Variants in DNM2 observed in about 807,000 individuals in gnomAD.
DNM2 encodes dynamin 2, also known as dynamin-2.
A neutral mutation model predicts 99.0 loss-of-function variants in DNM2; 15 were observed. The observed-to-expected ratio is 0.15, with a 90% CI of 0.10 to 0.23. The LOEUF (loss-of-function observed/expected upper bound fraction) is 0.23, where lower values mean the gene tolerates loss of function less well. DNM2 is among the 10% of genes least tolerant of loss of function. DNM2 has a pLI of 1.00. For synonymous variants in DNM2, 525 were observed against 481.2 expected, an observed-to-expected ratio of 1.09 and a Z score of -1.19; for missense variants, 742 against 1,189.4, an observed-to-expected ratio of 0.62 and a Z score of 5.53.
At position 10,820,477 on chromosome 19, in the gene DNM2, G is replaced by A. The variant is rs1364746728; in HGVS notation, c.1781+388G>A. ...TGCCTTGTCCAAGTGGGCGATGATG[G>A]GGCCAGAACCCATAGGGAAGGAGGG... On this transcript the variant is annotated intron_variant, in intron 16 of 20. Coordinates refer to ENST00000389253, the MANE Select transcript of DNM2 (RefSeq NM_001005361.3). This position sits in a 1 kb window ranked among gnomAD's most constrained non-coding sequence, Gnocchi z 4.3. 6.6e-6 allele frequency among the ~76,000 whole-genome samples: 1 copy of A among 152,256 alleles called. No individual in the cohort carries two copies. The highest frequency in any genetic ancestry group is 2.4e-5 in the African/African-American group (1 of 41,470).
chr19:10,796,948 G>A lies in DNM2; in HGVS notation c.1197-432G>A, dbSNP rs558394269. Reference sequence around the variant, plus strand: ...GCGACCACAGTGTCCCCAGCGCTCCGGGTTGCCAGGGAATTTCTGCTTGAG... The same window carrying A: ...GCGACCACAGTGTCCCCAGCGCTCCAGGTTGCCAGGGAATTTCTGCTTGAG... On this transcript the variant is annotated intron_variant, in intron 9 of 20. Coordinates refer to ENST00000389253, the MANE Select transcript of DNM2 (RefSeq NM_001005361.3). The surrounding 1 kb of genome is among the most constrained non-coding windows in gnomAD (Gnocchi z 5.6). Among the ~76,000 whole-genome samples the A allele has an allele frequency of 3.3e-5, 5 of 152,204 alleles. No individual in the cohort carries two copies. The East Asian group carries it at 9.7e-4, about 29-fold the overall frequency.
intron 1 of DNM2, among the ~76,000 whole-genome samples, chr19:10,732,331 T>C (rs907771608): frequency 1.5e-5 from 2 of 130,066 alleles, no homozygotes; most frequent in South Asian, 5.7e-4. Flanking sequence ...GGCCGGGCGG[T>C]GGCTCATGCC....
In DNM2 at chr19:10,796,018, T is replaced by C. The variant is rs111845365; in HGVS notation, c.1196+579T>C. The stretch of plus-strand genomic sequence containing the variant: ...GAAATTGCTGACCATGCTTTGTTTC[T>C]CTCTGACTTATCTCCCCTGCCCCCG... On this transcript the variant is annotated intron_variant, in intron 9 of 20. Coordinates refer to ENST00000389253, the MANE Select transcript of DNM2 (RefSeq NM_001005361.3). This position sits in a 1 kb window ranked among gnomAD's most constrained non-coding sequence, Gnocchi z 5.6. The C allele has an allele frequency of 6.2e-7, 1 of 1,612,074 alleles. No homozygotes were observed. The highest frequency in any genetic ancestry group is 8.5e-7 in the Non-Finnish European group (1 of 1,179,986).
At chr19:10,744,337 C>G (rs974345151) in intron 1 of DNM2, among the ~76,000 whole-genome samples, 1 of 152,036 alleles carries the variant, frequency 6.6e-6, no homozygotes, top group Non-Finnish European at 1.5e-5. Context: ...CAGGATCTGC[C>G]GAGAGATACG....
chr19:10,734,672 G>A (rs2069458507), intron 1 of DNM2, among the ~76,000 whole-genome samples: 1 of 141,382 alleles, frequency 7.1e-6, no homozygotes, highest in Non-Finnish European at 1.5e-5. Context: ...GCCAAAGCCA[G>A]AATGTACAGA....
Position 10,820,141 on chromosome 19 carries a change from A to G in DNM2, c.1781+52A>G. 6.4e-7 allele frequency: 1 copy of G among 1,550,850 alleles called. No individual in the cohort carries two copies. The highest frequency in any genetic ancestry group is 1.1e-5 in the South Asian group (1 of 89,836). ...GCTCGGGGTGAAGACCAATGGCCTC[A>G]TTCACACTCCACAACCTTCACTGAG... On this transcript the variant is annotated intron_variant, in intron 16 of 20. Transcript: ENST00000389253. This position sits in a 1 kb window ranked among gnomAD's most constrained non-coding sequence, Gnocchi z 4.3.
At chr19:10,745,209 TTCG>T (rs1316730188) in intron 1 of DNM2, among the ~76,000 whole-genome samples, 3 of 152,194 alleles carry the variant, frequency 2.0e-5, no homozygotes, top group Non-Finnish European at 4.4e-5. Flanking sequence ...GCACTTGACC[TTCG>T]GCACTGCAGC....
At chr19:10,790,485 T>G (rs1263740103) in intron 7 of DNM2, among the ~76,000 whole-genome samples, 3 of 152,176 alleles carry the variant, frequency 2.0e-5, no homozygotes, top group Non-Finnish European at 4.4e-5. Context: ...TTTTTGTTTT[T>G]GTTTTGAGAT....
intron 6 of DNM2, among the ~76,000 whole-genome samples, chr19:10,783,543 G>A (rs777673654): frequency 6.6e-6 from 1 of 152,030 alleles, no homozygotes; most frequent in African/African-American, 2.4e-5. Context: ...GTGACTTGGT[G>A]CTGCTACTAT....
rs2071896749 is a variant in DNM2, at chr19:10,795,384, G to A, written c.1141G>A (p.Glu381Lys). Residue 381 changes from glutamate (E) to lysine (K), a missense_variant, in exon 9 of 21, where the codon GAG becomes AAG. By Grantham distance (56) the Glu-to-Lys change is moderately conservative (BLOSUM62 1). Coordinates refer to ENST00000389253, the MANE Select transcript of DNM2 (RefSeq NM_001005361.3). The surrounding 1 kb of genome is among the most constrained non-coding windows in gnomAD (Gnocchi z 4.2). ...PFELVKMEFD[E>K]KDLRREISYA... ...TGTCTCTTCTCAGATGGAGTTTGACGAGAAGGACTTACGACGGGAGATCAG... is the reference window on the plus strand; with the variant it reads ...TGTCTCTTCTCAGATGGAGTTTGACAAGAAGGACTTACGACGGGAGATCAG... 6.2e-7 allele frequency: 1 copy of A among 1,614,166 alleles called. No homozygotes were observed.
chr19:10,758,299 C>CTCCT (rs2070473358), intron 1 of DNM2, among the ~76,000 whole-genome samples: 3 of 89,318 alleles, frequency 3.4e-5, no homozygotes, highest in Non-Finnish European at 6.9e-5. Context: ...CCTTCCCTCC[C>CTCCT]TCCTTCCCTC....
intron 1 of DNM2, among the ~76,000 whole-genome samples, chr19:10,742,913 CTT>C (rs61431112): frequency 2.3e-4 from 31 of 133,736 alleles, no homozygotes; most frequent in African/African-American, 2.5e-4. Flanking sequence ...GTTTTTCTTT[CTT>C]TTTTTTTTTT....
intron 1 of DNM2, among the ~76,000 whole-genome samples, chr19:10,718,984 C>G (rs1477464207): frequency 6.6e-6 from 1 of 152,152 alleles, no homozygotes; most frequent in Non-Finnish European, 1.5e-5. Flanking sequence ...GCCGCCCATC[C>G]GTGCCCCTCA....
intron 11 of DNM2, among the ~76,000 whole-genome samples, chr19:10,801,271 A>G (rs1451174318): frequency 1.3e-5 from 2 of 152,072 alleles, no homozygotes; most frequent in Non-Finnish European, 2.9e-5. Flanking sequence ...ACGCCATTGC[A>G]CGCCAGCCTG....
chr19:10,759,676 C>T (rs1260648388), intron 1 of DNM2, 62 bp from the exon 2 acceptor site: 16 of 1,603,754 alleles, frequency 1.0e-5, no homozygotes, highest in Non-Finnish European at 1.3e-5. Context: ...CACATGTGGT[C>T]ACACTTCCTG....
At chr19:10,719,705 A>C (rs1568259549) in intron 1 of DNM2, among the ~76,000 whole-genome samples, 1 of 152,028 alleles carries the variant, frequency 6.6e-6, no homozygotes, top group Non-Finnish European at 1.5e-5. Context: ...TCCTGTCATT[A>C]TTGTCATTGT....
At chr19:10,774,728 C>CT (rs34413054) in intron 3 of DNM2, among the ~76,000 whole-genome samples, 30,090 of 121,288 alleles carry the variant, frequency 0.25, 4,157 homozygotes, top group East Asian at 0.53. Flanking sequence ...TTGGCCTATG[C>CT]TTTTTTTTTT....
chr19:10,798,361 TG>T, intron 10 of DNM2, 124 bp from the exon 11 acceptor site: 1 of 712,180 alleles, frequency 1.4e-6, no homozygotes, highest in Non-Finnish European at 2.5e-6. Context: ...GAGCAAGGTG[TG>T]GGCTCGGTGG....
rs896406614 is a variant in DNM2, at chr19:10,818,347, G to A, written c.1672-1633G>A. 2.0e-5 allele frequency among the ~76,000 whole-genome samples: 3 copies of A among 152,238 alleles called. No homozygotes were observed. Among genetic ancestry groups the A allele is most frequent in the Non-Finnish European group, 2.9e-5 (2 of 68,048 alleles). On this transcript the variant is annotated intron_variant, in intron 15 of 20. Coordinates refer to ENST00000389253, the MANE Select transcript of DNM2 (RefSeq NM_001005361.3). The surrounding 1 kb of genome is among the most constrained non-coding windows in gnomAD (Gnocchi z 4.3). ...AGCCTGGCAGGCTAATCCTGGAGCC[G>A]CTCACAAGAGCAACCAAAGAAAATC...
Sources: allele counts gnomAD v4.1 joint callset (sites outside exome capture counted in the v4.1 genomes callset), GRCh38; gene constraint gnomAD v4.1.1; non-coding constraint Gnocchi (gnomAD v3.1); transcripts MANE v1.5; gene names NCBI Gene and HGNC (gene_info 2026-07-23, HGNC 2026-07-21).